GRIK4: variants seen among roughly 807,000 people sequenced by gnomAD.
GRIK4 encodes the protein glutamate ionotropic receptor kainate type subunit 4, also known as glutamate receptor ionotropic, kainate 4.
Under a neutral mutation model 104.9 loss-of-function variants are expected in GRIK4, and 40 were observed. That is an observed-to-expected ratio of 0.38 (90% CI 0.30 to 0.50). GRIK4 has a LOEUF of 0.50. Ranked by LOEUF, GRIK4 falls within the 20% of genes least tolerant of loss-of-function variation. GRIK4 has a pLI of 0.93. For missense variants in GRIK4, 1,047 were observed against 1,308.1 expected (o/e 0.80, Z 3.08); for synonymous variants, 485 against 524.9 (o/e 0.92, Z 1.04).
chr11:120,790,011 C>T (rs550404169), intron 3 of GRIK4, among the ~76,000 whole-genome samples: 3 of 152,158 alleles, frequency 2.0e-5, no homozygotes, highest in Non-Finnish European at 4.4e-5. Flanking sequence ...TGGCTCTGTC[C>T]TCTGACCCCA....
In GRIK4 at chr11:120,710,649, T is replaced by C. The variant is rs182335253; in HGVS notation, c.82+50249T>C. ...TTTTCTGTGCAGGGGTCAAAGGCGA[T>C]CCCTTTCTCCAGGGAAGAAAGCAGA... On this transcript the variant is annotated intron_variant, in intron 3 of 20. Coordinates refer to ENST00000527524, the MANE Select transcript of GRIK4 (RefSeq NM_014619.5). Among the ~76,000 whole-genome samples, 661 of 152,268 alleles carry C rather than the reference T, an allele frequency of 4.3e-3. 2 individuals are homozygous for C. Among genetic ancestry groups the C allele is most frequent in the Middle Eastern group, 0.017 (5 of 294 alleles).
intron 11 of GRIK4, among the ~76,000 whole-genome samples, chr11:120,897,843 T>C (rs1942629125): frequency 6.6e-6 from 1 of 151,910 alleles, no homozygotes. Flanking sequence ...TTCAGTCACT[T>C]TTCTAAGGTT....
intron 9 of GRIK4, among the ~76,000 whole-genome samples, chr11:120,865,152 G>C (rs1186952654): frequency 6.6e-6 from 1 of 151,542 alleles, no homozygotes. Context: ...CTGTGTAACA[G>C]CCAACTCCTA....
chr11:120,749,096 C>T (rs1055728316), intron 3 of GRIK4, among the ~76,000 whole-genome samples: 1 of 152,204 alleles, frequency 6.6e-6, no homozygotes. Context: ...AACAAGAAAG[C>T]TCTGGTGGGT....
chr11:120,558,458 T>G (rs554319042), intron 1 of GRIK4, among the ~76,000 whole-genome samples: 16 of 151,660 alleles, frequency 1.1e-4, no homozygotes, highest in Admixed American at 3.3e-4. Flanking sequence ...TGTGGTGGTG[T>G]GCGCCTGTAG....
intron 8 of GRIK4, among the ~76,000 whole-genome samples, chr11:120,844,131 G>A (rs1218341907): frequency 1.3e-5 from 2 of 152,164 alleles, no homozygotes; most frequent in Non-Finnish European, 2.9e-5. Flanking sequence ...AATTATTACA[G>A]AAAGGGGACC....
intron 3 of GRIK4, among the ~76,000 whole-genome samples, chr11:120,691,592 A>G (rs984858337): frequency 2.0e-5 from 3 of 152,186 alleles, no homozygotes; most frequent in Non-Finnish European, 2.9e-5. Flanking sequence ...AGCCTCCTTT[A>G]AAGAAAGTAG....
intron 18 of GRIK4, among the ~76,000 whole-genome samples, chr11:120,964,078 C>CGCCT (rs912090471): frequency 6.6e-6 from 1 of 151,796 alleles, no homozygotes; most frequent in Non-Finnish European, 1.5e-5. Flanking sequence ...CTGCAACCTC[C>CGCCT]GCCTCCCACT....
At chr11:120,743,829 T>TCAATTGTCTTATA (rs1565326890) in intron 3 of GRIK4, among the ~76,000 whole-genome samples, 1 of 152,094 alleles carries the variant, frequency 6.6e-6, no homozygotes, top group Non-Finnish European at 1.5e-5. Flanking sequence ...ATTGTCTTAT[T>TCAATTGTCTTATA]TATAAAATGG....
At chr11:120,923,719 G>A (rs756772353) in intron 13 of GRIK4, among the ~76,000 whole-genome samples, 3 of 152,004 alleles carry the variant, frequency 2.0e-5, no homozygotes, top group Non-Finnish European at 2.9e-5. Context: ...GGCCCCATTC[G>A]CTCATTTAAT....
chr11:120,705,302 G>A (rs907154640), intron 3 of GRIK4, among the ~76,000 whole-genome samples: 2 of 151,490 alleles, frequency 1.3e-5, no homozygotes, highest in African/African-American at 4.8e-5. Flanking sequence ...CACAATCTCG[G>A]CTCACTACTG....
In GRIK4 at chr11:120,986,004, G is replaced by T. The variant is rs998404108; in HGVS notation, c.2615G>T (p.Arg872Leu). The T allele has an allele frequency of 1.3e-4, 206 of 1,529,910 alleles. No homozygotes were observed. Among genetic ancestry groups the T allele is most frequent in the Non-Finnish European group, 1.7e-4 (197 of 1,139,180 alleles). 94.8% of individuals were successfully genotyped at this position (1,529,910 alleles called of 1,614,324 possible). The change falls in exon 21 of 21, where the codon CGG becomes CTG. Residue 872 changes from arginine (R) to leucine (L), a missense_variant. Arg to Leu is a moderately radical substitution (Grantham distance 102, BLOSUM62 -2). This residue lies in a region of GRIK4 where 160 missense variants were observed against 140.9 expected (regional missense o/e 1.14). Coordinates refer to ENST00000527524, the MANE Select transcript of GRIK4 (RefSeq NM_014619.5). The stretch of plus-strand genomic sequence containing the variant: ...CGGCGCGCCGCAGTCCCGCCGCCCC[G>T]GCCCCCCATCCCCGAGGAGCGCCGA... ...RRRRAAVPPPRPPIPEERRPR... is the reference protein window; with the variant it reads ...RRRRAAVPPPLPPIPEERRPR...
chr11:120,522,331 T>C (rs1455524221), intron 1 of GRIK4, among the ~76,000 whole-genome samples: 1 of 152,188 alleles, frequency 6.6e-6, no homozygotes, highest in African/African-American at 2.4e-5. Flanking sequence ...TTTTCTTTCT[T>C]TCTTTTTTGA....
At position 120,801,087 on chromosome 11, in the gene GRIK4, C is replaced by T. The variant is rs530550696; in HGVS notation, c.83-1606C>T. Among the ~76,000 whole-genome samples the T allele has an allele frequency of 1.1e-4, 17 of 152,324 alleles. No individual in the cohort carries two copies. The East Asian group carries it at 3.3e-3, about 29-fold the overall frequency. On this transcript the variant is annotated intron_variant, in intron 3 of 20. Transcript: ENST00000527524. ...AAAGAACACCACACGCATTAGCAGA[C>T]ACTCCTCATTTCTCCCAACCCTAGG...
chr11:120,794,619 T>C (rs1952475520), intron 3 of GRIK4, among the ~76,000 whole-genome samples: 1 of 152,196 alleles, frequency 6.6e-6, no homozygotes, highest in Non-Finnish European at 1.5e-5. Context: ...AGGGAGAAGG[T>C]GCCATCCGCA....
At chr11:120,648,775 G>A (rs928563826) in intron 1 of GRIK4, among the ~76,000 whole-genome samples, 3 of 151,810 alleles carry the variant, frequency 2.0e-5, no homozygotes, top group Admixed American at 6.6e-5. Context: ...ATTCTTTATT[G>A]TGTTTGTAAT....
chr11:120,665,982 C>A (rs1235691551), intron 3 of GRIK4, among the ~76,000 whole-genome samples: 1 of 152,152 alleles, frequency 6.6e-6, no homozygotes, highest in Non-Finnish European at 1.5e-5. Context: ...ACTGTAACTT[C>A]ATCTGTAATC....
chr11:120,848,400 G>A (rs777896207), intron 8 of GRIK4, among the ~76,000 whole-genome samples: 4 of 152,204 alleles, frequency 2.6e-5, no homozygotes, highest in Non-Finnish European at 4.4e-5. Flanking sequence ...GGTTCAGGGG[G>A]CATTTGAATC....
intron 1 of GRIK4, among the ~76,000 whole-genome samples, chr11:120,552,047 A>C (rs1335153758): frequency 1.3e-5 from 2 of 152,160 alleles, no homozygotes; most frequent in Non-Finnish European, 2.9e-5. Context: ...TGTTTCCCTG[A>C]GCTCTGTGAG....
Sources: allele counts gnomAD v4.1 joint callset (sites outside exome capture counted in the v4.1 genomes callset), GRCh38; gene constraint gnomAD v4.1.1; regional missense constraint gnomAD v4.1.1; transcripts MANE v1.5; gene names NCBI Gene and HGNC (gene_info 2026-07-23, HGNC 2026-07-21).